The following SYCP3 variants were observed in gnomAD, a reference collection of about 807,000 sequenced individuals.
The protein encoded by SYCP3 is synaptonemal complex protein 3.
In SYCP3, 29 loss-of-function variants were observed where a neutral mutation model predicts 38.5. The ratio of observed to expected loss-of-function variants is 0.75; its 90% CI spans 0.56 to 1.03. The LOEUF (loss-of-function observed/expected upper bound fraction) is 1.03, where lower values mean the gene tolerates loss of function less well. Among genes scored for constraint, SYCP3 ranks in the 50% least tolerant of loss-of-function variants. SYCP3 has a pLI of 0.00. For synonymous variants in SYCP3, 79 were observed against 80.3 expected (o/e 0.98, Z 0.08); for missense variants, 242 against 270.7 (o/e 0.89, Z 0.74).
rs1040963267 is a variant in SYCP3, at chr12:101,735,020, G to A, written c.260C>T (p.Ala87Val). Reference protein sequence around the residue: ...VGVDINKALLAKRKRLEMYTK... With the variant: ...VGVDINKALLVKRKRLEMYTK... ...ATACATTTCTAGTCTCTTTCTCTTGGCAAGAAGAGCCTTGTTAATGTCAAC... is the reference window on the plus strand; with the variant it reads ...ATACATTTCTAGTCTCTTTCTCTTGACAAGAAGAGCCTTGTTAATGTCAAC... The change falls in exon 5 of 9, where the codon GCC (alanine) becomes GTC (valine). Residue 87 changes from alanine to valine, a missense_variant. Physicochemically the swap from Ala to Val is moderately conservative, Grantham distance 64. Coordinates refer to ENST00000392924, the MANE Select transcript of SYCP3 (RefSeq NM_001177949.2). 6.2e-7 allele frequency: 1 copy of A among 1,610,846 alleles called. No homozygotes were observed. Among genetic ancestry groups the A allele is most frequent in the Admixed American group, 1.7e-5 (1 of 59,952 alleles).
chr12:101,730,401 C>T (rs1952133841), intron 7 of SYCP3: 2 of 383,210 alleles, frequency 5.2e-6, no homozygotes, highest in South Asian at 2.0e-5. Context: ...CAAAACTTCA[C>T]ACCAACTACC....
chr12:101,737,840 C>G lies in SYCP3; in HGVS notation c.96G>C (p.Lys32Asn). The part of the protein sequence containing the change: ...TRAYDFETED[K>N]KDLSGSEEDV... ...CTTCCTCTGATCCACTCAGATCTTT[C>G]TTATCTTCAGTCTCAAAGTCATAGG... Residue 32 changes from lysine to asparagine, a missense_variant, in exon 2 of 9, where the codon AAG (lysine) becomes AAC (asparagine). By Grantham distance (94) the Lys-to-Asn change is moderately conservative. Coordinates refer to ENST00000392924, the MANE Select transcript of SYCP3 (RefSeq NM_001177949.2). 1 of 1,614,180 alleles carries G rather than the reference C, an allele frequency of 6.2e-7. No individual in the cohort carries two copies. Among genetic ancestry groups the G allele is most frequent in the Non-Finnish European group, 8.5e-7 (1 of 1,180,034 alleles).
intron 5 of SYCP3, among the ~76,000 whole-genome samples, chr12:101,734,549 A>G (rs1952323038): frequency 6.6e-6 from 1 of 152,186 alleles, no homozygotes; most frequent in Non-Finnish European, 1.5e-5. Context: ...GAGAAAAATC[A>G]AGCCAAATAC....
rs1300459254 is a variant in SYCP3, at chr12:101,731,664, A to G, written c.456T>C (p.Asn152=). The part of the protein sequence containing the change: ...KAEEQEEKIL[N]MFRQQQKILQ... ...GAATCTTTTGTTGCTGTCGAAACATATTCTACAAATATAAAAGAAAAAAAA... is the reference window on the plus strand; with the variant it reads ...GAATCTTTTGTTGCTGTCGAAACATGTTCTACAAATATAAAAGAAAAAAAA... Residue 152 remains asparagine, a splice_region_variant and synonymous_variant, in exon 7 of 9, where the codon AAT becomes AAC. Transcript: ENST00000392924. 3 of 1,589,526 alleles carry G rather than the reference A, an allele frequency of 1.9e-6. No individual in the cohort carries two copies.
At chr12:101,731,795 AT>A in intron 6 of SYCP3, 129 bp from the exon 7 acceptor site, 1 of 623,176 alleles carries the variant, frequency 1.6e-6, no homozygotes, top group Non-Finnish European at 2.7e-6. Flanking sequence ...TTTAACAACT[AT>A]TATGACCACA....
rs768047891 is a variant in SYCP3, at chr12:101,729,019, TTTATTTAAGTG to T, written c.658-50_658-40del. 4.3e-5 allele frequency: 70 copies of T among 1,612,670 alleles called. No individual in the cohort carries two copies. In the East Asian group the frequency reaches 6.3e-4, roughly 14 times the overall value. ...GGAGATATTAAACATTTGTTTAATT[TTTATTTAAGTG>T]TTATACCTATTTCAGCAAATAAAAT... On this transcript the variant is annotated intron_variant, in intron 8 of 8. Coordinates refer to ENST00000392924, the MANE Select transcript of SYCP3 (RefSeq NM_001177949.2).
At chr12:101,732,283 C>A (rs1243107686) in intron 6 of SYCP3, 1 of 152,328 alleles carries the variant, frequency 6.6e-6, no homozygotes, top group Non-Finnish European at 1.5e-5. Flanking sequence ...CTTTACCATT[C>A]TAACTTACTC....
intron 4 of SYCP3, among the ~76,000 whole-genome samples, chr12:101,735,871 A>ATATATATATATT: frequency 1.3e-5 from 1 of 74,786 alleles, no homozygotes; most frequent in African/African-American, 6.3e-5. Context: ...ATATATATAT[A>ATATATATATATT]TTTTTTTTTT....
At chr12:101,731,507 T>C (rs1566050869) in intron 7 of SYCP3, 61 bp downstream of exon 7, 2 of 1,164,030 alleles carry the variant, frequency 1.7e-6, no homozygotes, top group Non-Finnish European at 1.2e-6. Flanking sequence ...AGAATTATCT[T>C]CTACTTCCAT....
At position 101,737,023 on chromosome 12, in the gene SYCP3, C is replaced by T; in HGVS notation, c.235+14G>A. On this transcript the variant is annotated intron_variant, in intron 4 of 8. Transcript: ENST00000392924. ...AACAATTTTCTTTAAATACAAGTAT[C>T]TCCTAAAACCTACCTCCAACTCCTT... 6.2e-7 allele frequency: 1 copy of T among 1,613,296 alleles called. No individual in the cohort carries two copies. The highest frequency in any genetic ancestry group is 8.5e-7 in the Non-Finnish European group (1 of 1,179,436).
intron 7 of SYCP3, among the ~76,000 whole-genome samples, chr12:101,730,090 GA>G (rs1029904380): frequency 1.1e-4 from 16 of 152,286 alleles, no homozygotes; most frequent in South Asian, 4.1e-4. Context: ...AGTTTTTCAA[GA>G]GGGAAGAGAT....
chr12:101,729,345 C>T (rs1388422364), intron 7 of SYCP3, 132 bp from the exon 8 acceptor site: 3 of 895,160 alleles, frequency 3.4e-6, no homozygotes, highest in Admixed American at 2.8e-5. Context: ...TAAAAATATT[C>T]TAAGTAATAC....
rs541789192 is a variant in SYCP3 at position 101,739,407 on chromosome 12, A to G, written c.-74T>C. The G allele has an allele frequency of 2.5e-4, 248 of 1,002,580 alleles. No homozygotes were observed. The highest frequency in any genetic ancestry group is 4.3e-4 in the Admixed American group (7 of 16,288). 62.1% of individuals were successfully genotyped at this position (1,002,580 alleles called of 1,614,324 possible). On this transcript the variant is annotated 5_prime_UTR_variant, in exon 1 of 9. Transcript: ENST00000392924. Reference sequence around the variant, plus strand: ...TACTGGTCGTCGACAGGCGTCCTCCACAACTCCTCCACAAGCGCGCTTCAC... The same window carrying G: ...TACTGGTCGTCGACAGGCGTCCTCCGCAACTCCTCCACAAGCGCGCTTCAC...
At chr12:101,739,199 C>G in intron 1 of SYCP3, 152 bp downstream of exon 1, 1 of 946,866 alleles carries the variant, frequency 1.1e-6, no homozygotes, top group Non-Finnish European at 1.3e-6. Context: ...CCACTAGGCC[C>G]TATCCTGCTC....
intron 4 of SYCP3, among the ~76,000 whole-genome samples, chr12:101,735,871 A>ATATATATATTTTTTTTTTTTTTTTTTT: frequency 2.7e-5 from 2 of 74,762 alleles, no homozygotes; most frequent in African/African-American, 6.3e-5. Context: ...ATATATATAT[A>ATATATATATTTTTTTTTTTTTTTTTTT]TTTTTTTTTT....
Position 101,735,665 on chromosome 12 carries a change from TA to T in SYCP3, c.236-622del, listed in dbSNP as rs922228932. 6.7e-5 allele frequency among the ~76,000 whole-genome samples: 10 copies of T among 149,496 alleles called. 1 individual carries two copies. Among genetic ancestry groups the T allele is most frequent in the South Asian group, 2.1e-4 (1 of 4,752 alleles). Reference sequence around the variant, plus strand: ...ACAGAGTGAGACTCCGTCTCAAAAATAAAAAAAAATTTTTAAAAAGGCTAAA... The same window carrying T: ...ACAGAGTGAGACTCCGTCTCAAAAATAAAAAAAATTTTTAAAAAGGCTAAA... On this transcript the variant is annotated intron_variant, in intron 4 of 8. Transcript: ENST00000392924.
rs1358274339 is a variant in SYCP3 at position 101,728,861 on chromosome 12, T to C, written c.*66A>G. 1.2e-6 allele frequency: 2 copies of C among 1,606,302 alleles called. No individual in the cohort carries two copies. The highest frequency in any genetic ancestry group is 3.3e-5 in the Admixed American group (2 of 59,878). On this transcript the variant is annotated 3_prime_UTR_variant, in exon 9 of 9. Transcript: ENST00000392924. ...TAAACTATTCTAAAGACTTACAATA[T>C]GCTTCTTAGCTAACGTTATAATTGT...
intron 4 of SYCP3, 82 bp downstream of exon 4, chr12:101,736,955 G>T: frequency 1.5e-6 from 2 of 1,298,424 alleles, no homozygotes; most frequent in Non-Finnish European, 2.2e-6. Flanking sequence ...CAGTCTTATA[G>T]TCCATTATTA....
chr12:101,733,162 A>G (rs1203057857), intron 6 of SYCP3: 1 of 167,310 alleles, frequency 6.0e-6, no homozygotes, highest in Non-Finnish European at 1.3e-5. Context: ...GGGTTACTAA[A>G]CTTGTAATAA....
Sources: gnomAD v4.1 joint callset for allele counts (sites outside exome capture counted in the v4.1 genomes callset) on GRCh38, gnomAD v4.1.1 for gene constraint, MANE v1.5 for transcripts, NCBI Gene and HGNC (gene_info 2026-07-23, HGNC 2026-07-21) for gene names.